The following TNR variants were observed in gnomAD, a reference collection of about 807,000 sequenced individuals.
TNR encodes tenascin R.
In TNR, 45 loss-of-function variants were observed where a neutral mutation model predicts 150.4. That is an observed-to-expected ratio of 0.30 (90% CI 0.24 to 0.38). The LOEUF (loss-of-function observed/expected upper bound fraction) is 0.38, where lower values mean the gene tolerates loss of function less well. TNR is among the 10% of genes least tolerant of loss of function. TNR has a pLI of 1.00. For synonymous variants in TNR, 687 were observed against 678.4 expected, an observed-to-expected ratio of 1.01 and a Z score of -0.20; for missense variants, 1,544 against 1,759.1, an observed-to-expected ratio of 0.88 and a Z score of 2.19.
intron 4 of TNR, among the ~76,000 whole-genome samples, chr1:175,398,556 AT>A (rs1653547116): frequency 1.3e-5 from 2 of 152,168 alleles, no homozygotes; most frequent in African/African-American, 4.8e-5. Flanking sequence ...ACCTGTCAGG[AT>A]TTTGCATGAT....
intron 1 of TNR, among the ~76,000 whole-genome samples, chr1:175,710,567 A>C (rs1261261474): frequency 6.6e-6 from 1 of 152,142 alleles, no homozygotes; most frequent in Non-Finnish European, 1.5e-5. Context: ...AGAGGCCCTC[A>C]GTACAGAGCC....
intron 1 of TNR, among the ~76,000 whole-genome samples, chr1:175,639,573 G>C (rs1401344119): frequency 6.6e-6 from 1 of 151,998 alleles, no homozygotes; most frequent in East Asian, 1.9e-4. Flanking sequence ...TCTGAGTGTT[G>C]GGGCTCTGAC....
Position 175,361,928 on chromosome 1 carries a change from G to A in TNR, c.2854+735C>T, listed in dbSNP as rs140896806. Reference sequence around the variant, plus strand: ...CCTTCTCTTCAGCCCCATTGCGTGGGCTTGTTTTCAAGAGGGAGGCCATGG... The same window carrying A: ...CCTTCTCTTCAGCCCCATTGCGTGGACTTGTTTTCAAGAGGGAGGCCATGG... On this transcript the variant is annotated intron_variant, in intron 14 of 22. Transcript: ENST00000367674. Among the ~76,000 whole-genome samples the A allele has an allele frequency of 6.8e-4, 103 of 152,286 alleles. 2 individuals carry two copies. The East Asian group carries it at 0.019, about 28-fold the overall frequency.
intron 5 of TNR, among the ~76,000 whole-genome samples, chr1:175,396,207 C>T (rs982297346): frequency 6.6e-6 from 1 of 152,108 alleles, no homozygotes; most frequent in Non-Finnish European, 1.5e-5. Context: ...GTTTTGGATC[C>T]CTAACTGATT....
intron 2 of TNR, among the ~76,000 whole-genome samples, chr1:175,508,624 T>C (rs1365107396): frequency 1.3e-5 from 2 of 152,202 alleles, no homozygotes; most frequent in African/African-American, 4.8e-5. Context: ...GAGGCCCACA[T>C]GATGAGAAGA....
intron 1 of TNR, among the ~76,000 whole-genome samples, chr1:175,595,856 T>A (rs1662985190): frequency 6.6e-6 from 1 of 152,192 alleles, no homozygotes; most frequent in Admixed American, 6.5e-5. Context: ...TATTCTCTCA[T>A]TTATTACTCA....
rs143081517 is a variant in TNR at position 175,432,442 on chromosome 1, C to A, written c.-63-25665G>T. 4.3e-3 allele frequency among the ~76,000 whole-genome samples: 659 copies of A among 152,338 alleles called. 4 individuals carry two copies. Among genetic ancestry groups the A allele is most frequent in the Non-Finnish European group, 4.7e-3 (317 of 68,032 alleles). On this transcript the variant is annotated intron_variant, in intron 2 of 22. Coordinates refer to ENST00000367674, the MANE Select transcript of TNR (RefSeq NM_003285.3). ...AAACTTGCCCAGGCAGCAAAAGTCA[C>A]CCCTAAGGATAGAAAACGGGCACCC...
chr1:175,535,153 A>G (rs1272403541), intron 1 of TNR, among the ~76,000 whole-genome samples: 2 of 152,138 alleles, frequency 1.3e-5, no homozygotes, highest in African/African-American at 4.8e-5. Context: ...TTTTCCAGAA[A>G]GGGGGCTGCA....
chr1:175,634,524 A>G (rs1366776902), intron 1 of TNR, among the ~76,000 whole-genome samples: 1 of 152,234 alleles, frequency 6.6e-6, no homozygotes, highest in African/African-American at 2.4e-5. Context: ...CGTGTGAAGA[A>G]TGGAATATAT....
At chr1:175,352,836 A>G (rs926162590) in intron 18 of TNR, among the ~76,000 whole-genome samples, 1 of 152,232 alleles carries the variant, frequency 6.6e-6, no homozygotes, top group Non-Finnish European at 1.5e-5. Context: ...CTATAGAACC[A>G]CTGGGGATAT....
At chr1:175,710,425 T>C (rs2101935277) in intron 1 of TNR, among the ~76,000 whole-genome samples, 1 of 152,192 alleles carries the variant, frequency 6.6e-6, no homozygotes, top group South Asian at 2.1e-4. Context: ...CCAGGGGAGC[T>C]TCTAAAAAGC....
chr1:175,417,017 A>AAGAAAGAAAGAG (rs1654503041), intron 2 of TNR, among the ~76,000 whole-genome samples: 1 of 87,648 alleles, frequency 1.1e-5, no homozygotes, highest in Admixed American at 1.3e-4. Context: ...CAAAAAAAGA[A>AAGAAAGAAAGAG]AGAAAGAAAG....
At chr1:175,333,417 A>G (rs1037680496) in intron 20 of TNR, 5 of 152,240 alleles carry the variant, frequency 3.3e-5, no homozygotes, top group African/African-American at 1.2e-4. Flanking sequence ...CATGGGTATT[A>G]CACTTGTCTC....
intron 1 of TNR, among the ~76,000 whole-genome samples, chr1:175,711,819 G>A (rs1006662879): frequency 6.6e-6 from 1 of 152,200 alleles, no homozygotes; most frequent in East Asian, 1.9e-4. Flanking sequence ...GGAAGGGATT[G>A]TTATCTGAGT....
chr1:175,667,096 T>G (rs1247035917), intron 1 of TNR, among the ~76,000 whole-genome samples: 1 of 152,262 alleles, frequency 6.6e-6, no homozygotes, highest in East Asian at 1.9e-4. Context: ...CTGAATGACC[T>G]TCCTCATCCT....
intron 1 of TNR, among the ~76,000 whole-genome samples, chr1:175,717,850 G>GCACA (rs376373689): frequency 6.6e-5 from 10 of 151,294 alleles, no homozygotes; most frequent in Non-Finnish European, 1.2e-4. Flanking sequence ...GAGCGCACAT[G>GCACA]CACACACACA....
chr1:175,580,905 A>G (rs1271764901), intron 1 of TNR, among the ~76,000 whole-genome samples: 2 of 152,156 alleles, frequency 1.3e-5, no homozygotes, highest in African/African-American at 4.8e-5. Context: ...TCTTCTAGAA[A>G]GAACAGAGGG....
chr1:175,594,839 A>C (rs1662943302), intron 1 of TNR, among the ~76,000 whole-genome samples: 1 of 149,624 alleles, frequency 6.7e-6, no homozygotes, highest in African/African-American at 2.5e-5. Context: ...CCTGGGCAAC[A>C]GAGTGAGACC....
chr1:175,541,033 TG>T (rs1278537971), intron 1 of TNR, among the ~76,000 whole-genome samples: 1 of 152,074 alleles, frequency 6.6e-6, no homozygotes, highest in Non-Finnish European at 1.5e-5. Flanking sequence ...TCCCCAGGCT[TG>T]CTCACCCTGG....
Sources: gnomAD v4.1 joint callset for allele counts (sites outside exome capture counted in the v4.1 genomes callset) on GRCh38, gnomAD v4.1.1 for gene constraint, MANE v1.5 for transcripts, NCBI Gene and HGNC (gene_info 2026-07-23, HGNC 2026-07-21) for gene names.